ELK3: variants seen among roughly 807,000 people sequenced by gnomAD.
ELK3 encodes ETS domain-containing protein Elk-3.
A neutral mutation model predicts 28.9 loss-of-function variants in ELK3; 10 were observed. That is an observed-to-expected ratio of 0.35 (90% CI 0.21 to 0.59). The LOEUF (loss-of-function observed/expected upper bound fraction) is 0.59, where lower values mean the gene tolerates loss of function less well. Among genes scored for constraint, ELK3 ranks in the 20% least tolerant of loss-of-function variants. The pLI is 0.82. For synonymous variants in ELK3, 272 were observed against 243.5 expected (o/e 1.12, Z -1.09); for missense variants, 463 against 517.3 (o/e 0.90, Z 1.02).
chr12:96,235,794 C>G (rs1332172697), intron 2 of ELK3, among the ~76,000 whole-genome samples: 1 of 152,148 alleles, frequency 6.6e-6, no homozygotes, highest in African/African-American at 2.4e-5. Context: ...AAGGGAAAGA[C>G]TTGCACTGGG....
chr12:96,238,611 G>A (rs1385599378), intron 2 of ELK3, among the ~76,000 whole-genome samples: 2 of 152,214 alleles, frequency 1.3e-5, no homozygotes, highest in African/African-American at 4.8e-5. Flanking sequence ...GCCACTTATA[G>A]TTTGGCTGCT....
At chr12:96,206,236 G>GTGC (rs1348708509) in intron 1 of ELK3, among the ~76,000 whole-genome samples, 1 of 151,966 alleles carries the variant, frequency 6.6e-6, no homozygotes, top group Admixed American at 6.6e-5. Context: ...TAGATCAGAC[G>GTGC]TGCACCAGAT....
At chr12:96,202,502 C>A (rs546721728) in intron 1 of ELK3, among the ~76,000 whole-genome samples, 1 of 145,656 alleles carries the variant, frequency 6.9e-6, no homozygotes, top group African/African-American at 2.5e-5. Flanking sequence ...TGCTCCTGGC[C>A]TTCAGAGCCC....
At chr12:96,235,076 A>G (rs1951771507) in intron 2 of ELK3, among the ~76,000 whole-genome samples, 1 of 151,964 alleles carries the variant, frequency 6.6e-6, no homozygotes, top group East Asian at 1.9e-4. Context: ...GACGCTTCCT[A>G]TGGAAAGTAC....
Position 96,247,631 on chromosome 12 carries a change from C to T in ELK3, c.899C>T (p.Ser300Leu). ...AAAAAACCCAAAGGCTTGGAAATCT[C>T]AGCGCCCCCGCTGGTGCTCTCCGGC... ...KAKKPKGLEI[S>L]APPLVLSGTD... Residue 300 changes from serine to leucine, a missense_variant, in exon 3 of 5, where the codon TCA becomes TTA. By Grantham distance (145) the Ser-to-Leu change is moderately radical. Coordinates refer to ENST00000228741, the MANE Select transcript of ELK3 (RefSeq NM_005230.4). The surrounding 1 kb of genome is among the most constrained non-coding windows in gnomAD (Gnocchi z 5.5). 1 of 1,613,358 alleles carries T rather than the reference C, an allele frequency of 6.2e-7. No individual in the cohort carries two copies. Among genetic ancestry groups the T allele is most frequent in the Non-Finnish European group, 8.5e-7 (1 of 1,180,006 alleles).
intron 2 of ELK3, among the ~76,000 whole-genome samples, chr12:96,238,165 G>A (rs1951797111): frequency 1.3e-5 from 2 of 152,234 alleles, no homozygotes; most frequent in African/African-American, 2.4e-5. Flanking sequence ...AATGAAAAGT[G>A]TGATATAATG....
chr12:96,207,653 C>T (rs551904525), intron 1 of ELK3, among the ~76,000 whole-genome samples: 16 of 152,198 alleles, frequency 1.1e-4, no homozygotes, highest in Non-Finnish European at 2.2e-4. Flanking sequence ...TTCTCAAAAA[C>T]CTCTAAAGAT....
intron 2 of ELK3, among the ~76,000 whole-genome samples, chr12:96,245,892 G>A (rs963098872): frequency 4.6e-5 from 7 of 152,186 alleles, no homozygotes; most frequent in Non-Finnish European, 1.5e-5. Context: ...ATAGCCTAAT[G>A]TTTGAGGACT....
chr12:96,262,864 G>A (rs1411302404), intron 4 of ELK3, among the ~76,000 whole-genome samples: 1 of 151,122 alleles, frequency 6.6e-6, no homozygotes, highest in Non-Finnish European at 1.5e-5. Context: ...ATGTTGTCCA[G>A]GCTGGTCTTG....
chr12:96,215,821 A>G (rs534489549), intron 1 of ELK3, among the ~76,000 whole-genome samples: 14 of 152,012 alleles, frequency 9.2e-5, no homozygotes, highest in African/African-American at 3.1e-4. Context: ...TTTTTTGTAG[A>G]GATGGGGTCT....
intron 2 of ELK3, among the ~76,000 whole-genome samples, chr12:96,233,073 A>G (rs147796954): frequency 1.8e-3 from 277 of 152,188 alleles, no homozygotes; most frequent in African/African-American, 6.5e-3. Context: ...TTTACACCCA[A>G]CCATACAGCC....
chr12:96,210,976 T>G (rs1284294024), intron 1 of ELK3, among the ~76,000 whole-genome samples: 1 of 152,192 alleles, frequency 6.6e-6, no homozygotes, highest in Non-Finnish European at 1.5e-5. Flanking sequence ...TGCGCGTTGA[T>G]TAAGAACCTG....
At chr12:96,228,439 A>T (rs982594621) in intron 2 of ELK3, among the ~76,000 whole-genome samples, 5 of 150,760 alleles carry the variant, frequency 3.3e-5, no homozygotes, top group African/African-American at 1.2e-4. Flanking sequence ...AAAAAAAAAA[A>T]AAAAAGAAGA....
intron 4 of ELK3, among the ~76,000 whole-genome samples, chr12:96,266,410 T>G (rs1952030284): frequency 6.6e-6 from 1 of 152,190 alleles, no homozygotes; most frequent in African/African-American, 2.4e-5. Flanking sequence ...AACATATTTG[T>G]TTCAGACCTG....
chr12:96,194,610 C>A lies in ELK3; in HGVS notation c.-98C>A, dbSNP rs1382757699. 1.3e-5 allele frequency: 2 copies of A among 150,166 alleles called. No homozygotes were observed. The highest frequency in any genetic ancestry group is 4.9e-5 in the African/African-American group (2 of 41,194). The allele number at this position is 150,166 out of a possible 1,614,324, so 9.3% of individuals were successfully genotyped here. On this transcript the variant is annotated 5_prime_UTR_variant, in exon 1 of 5. Transcript: ENST00000228741. ...AATCAGGATCTCATTACAAGAGCCA[C>A]AGACCGTCTGCAGACGCCTGTCAGC...
At chr12:96,252,001 T>C (rs1592688997) in intron 3 of ELK3, among the ~76,000 whole-genome samples, 2 of 152,338 alleles carry the variant, frequency 1.3e-5, no homozygotes, top group South Asian at 2.1e-4. Context: ...TCTAGGACTT[T>C]CATAGCTGGA....
intron 2 of ELK3, among the ~76,000 whole-genome samples, chr12:96,229,263 TGCCAG>T (rs1951724847): frequency 6.6e-6 from 1 of 152,250 alleles, no homozygotes; most frequent in African/African-American, 2.4e-5. Context: ...TTCCTAGGGC[TGCCAG>T]GTCAGATGAC....
At chr12:96,214,513 A>T (rs570272255) in intron 1 of ELK3, among the ~76,000 whole-genome samples, 1 of 152,314 alleles carries the variant, frequency 6.6e-6, no homozygotes, top group South Asian at 2.1e-4. Context: ...ATAGGTGAGC[A>T]ATACCTACTT....
chr12:96,246,642 C>G (rs1490127495), intron 2 of ELK3, among the ~76,000 whole-genome samples: 1 of 152,184 alleles, frequency 6.6e-6, no homozygotes, highest in African/African-American at 2.4e-5. Context: ...GCCTGTGCGA[C>G]AGAGTGAGAC....
Sources: gnomAD v4.1 joint callset for allele counts (sites outside exome capture counted in the v4.1 genomes callset) on GRCh38, gnomAD v4.1.1 for gene constraint, Gnocchi (gnomAD v3.1) non-coding constraint, MANE v1.5 for transcripts, NCBI Gene and HGNC (gene_info 2026-07-23, HGNC 2026-07-21) for gene names.